MEX3C: variants seen among roughly 807,000 people sequenced by gnomAD.
MEX3C encodes RNA-binding E3 ubiquitin-protein ligase MEX3C.
Under a neutral mutation model 35.5 loss-of-function variants are expected in MEX3C, and 15 were observed. That is an observed-to-expected ratio of 0.42 (90% CI 0.28 to 0.65). The LOEUF (loss-of-function observed/expected upper bound fraction) is 0.65, where lower values mean the gene tolerates loss of function less well. MEX3C is among the 30% of genes least tolerant of loss of function. The pLI is 0.20. For missense variants in MEX3C, 711 were observed against 842.8 expected, an observed-to-expected ratio of 0.84 and a Z score of 1.94; for synonymous variants, 390 against 352.8, an observed-to-expected ratio of 1.11 and a Z score of -1.18.
rs930212019 is a variant in MEX3C, at chr18:51,196,763, C to T, written c.558G>A (p.Val186=). 11 of 1,498,182 alleles carry T rather than the reference C, an allele frequency of 7.3e-6. No individual in the cohort carries two copies. The highest frequency in any genetic ancestry group is 4.3e-5 in the African/African-American group (3 of 69,514). The allele number at this position is 1,498,182 out of a possible 1,614,324, so 92.8% of individuals were successfully genotyped here. The change falls in exon 1 of 2, where the codon GTG becomes GTA. Residue 186 remains valine, a synonymous_variant. Coordinates refer to ENST00000406189, the MANE Select transcript of MEX3C (RefSeq NM_016626.5). The stretch of plus-strand genomic sequence containing the variant: ...CCTGGGCATCGTCCCCTCCGTACAG[C>T]ACCCCCGCCGCCGCCGCCGCGGCCG... ...EAAAAAAAAG[V]LYGGDDAQGM...
intron 1 of MEX3C, among the ~76,000 whole-genome samples, chr18:51,186,169 A>G (rs1007928100): frequency 1.3e-5 from 2 of 152,170 alleles, no homozygotes; most frequent in African/African-American, 4.8e-5. Context: ...CCCTATAAAG[A>G]TGCTAGTGCT....
Position 51,197,570 on chromosome 18 carries a change from G to A in MEX3C, c.-250C>T, listed in dbSNP as rs991888066. On this transcript the variant is annotated 5_prime_UTR_variant, in exon 1 of 2. Coordinates refer to ENST00000406189, the MANE Select transcript of MEX3C (RefSeq NM_016626.5). The stretch of plus-strand genomic sequence containing the variant: ...GGTGGGTGGGGACGGCGGCGGGGCG[G>A]GCTGGTGGAGGTGGCAGCGGCTCCC... 2.0e-5 allele frequency among the ~76,000 whole-genome samples: 3 copies of A among 150,780 alleles called. No individual in the cohort carries two copies. Among genetic ancestry groups the A allele is most frequent in the African/African-American group, 7.3e-5 (3 of 41,130 alleles).
chr18:51,178,878 A>C (rs1196444123), intron 1 of MEX3C, among the ~76,000 whole-genome samples: 3 of 150,986 alleles, frequency 2.0e-5, no homozygotes, highest in African/African-American at 4.9e-5. Context: ...AAAAAACCAA[A>C]CAAACAAACA....
In MEX3C at chr18:51,177,662, T is replaced by C. The variant is rs1452211667; in HGVS notation, c.755-86A>G. On this transcript the variant is annotated intron_variant, in intron 1 of 1. Transcript: ENST00000406189. The surrounding 1 kb of genome is among the most constrained non-coding windows in gnomAD (Gnocchi z 4.2). Reference sequence around the variant, plus strand: ...AAATCACAGAATGCACCTTTTAAGCTAAATATCTGGTTATGGGTTAAGTTT... The same window carrying C: ...AAATCACAGAATGCACCTTTTAAGCCAAATATCTGGTTATGGGTTAAGTTT... 2 of 1,406,328 alleles carry C rather than the reference T, an allele frequency of 1.4e-6. No homozygotes were observed. The highest frequency in any genetic ancestry group is 1.9e-6 in the Non-Finnish European group (2 of 1,048,174). The allele number at this position is 1,406,328 out of a possible 1,614,324, so 87.1% of individuals were successfully genotyped here. A position where few individuals can be genotyped will look rare whatever the true frequency, so the allele number is the denominator to read the frequency against.
rs1208373436 is a variant in MEX3C, at chr18:51,196,829, A to T, written c.492T>A (p.Ser164=). ...CGAACCTGGCGGCTGGCAGCAGCAC[A>T]GACCCCAGGGACCCGCCCGGGATCT... ...TQQIPGGSLG[S]VLLPAARFDA... The change falls in exon 1 of 2, where the codon TCT becomes TCA. Residue 164 remains serine (S), a synonymous_variant. Coordinates refer to ENST00000406189, the MANE Select transcript of MEX3C (RefSeq NM_016626.5). 13 of 1,534,876 alleles carry T rather than the reference A, an allele frequency of 8.5e-6. No individual in the cohort carries two copies. In the East Asian group the frequency reaches 3.2e-4, roughly 38 times the overall value.
chr18:51,183,825 AC>A (rs1350659580), intron 1 of MEX3C, among the ~76,000 whole-genome samples: 1 of 152,186 alleles, frequency 6.6e-6, no homozygotes, highest in African/African-American at 2.4e-5. Flanking sequence ...AAAAAAACAA[AC>A]AAAAATAAAA....
chr18:51,183,150 T>TG (rs1411331705), intron 1 of MEX3C, among the ~76,000 whole-genome samples: 4 of 152,226 alleles, frequency 2.6e-5, no homozygotes. Context: ...AAGTAGCTTG[T>TG]GGAGGCCAGA....
chr18:51,197,162 G>A lies in MEX3C; in HGVS notation c.159C>T (p.Ala53=). 9.5e-7 allele frequency: 1 copy of A among 1,050,424 alleles called. No individual in the cohort carries two copies. Among genetic ancestry groups the A allele is most frequent in the South Asian group, 4.4e-5 (1 of 22,782 alleles). 65.1% of individuals were successfully genotyped at this position (1,050,424 alleles called of 1,614,324 possible). A position where few individuals can be genotyped will look rare whatever the true frequency, so the allele number is the denominator to read the frequency against. ...GGCTGGGGTCGTCGAGGCCTAGCGC[G>A]GCCAAGCGCTCCCTCAGCAGGAGCC... ...GDGLLLRERL[A]ALGLDDPSPA... is the part of the protein sequence containing the mutation. The change falls in exon 1 of 2, where the codon GCC becomes GCT. Residue 53 remains alanine (A), a synonymous_variant. Transcript: ENST00000406189.
chr18:51,195,405 T>C (rs1912755682), intron 1 of MEX3C: 1 of 152,184 alleles, frequency 6.6e-6, no homozygotes, highest in Non-Finnish European at 1.5e-5. Flanking sequence ...TTTATTAAAA[T>C]CCTACAGATA....
chr18:51,185,535 G>A (rs1454487048), intron 1 of MEX3C, among the ~76,000 whole-genome samples: 2 of 152,172 alleles, frequency 1.3e-5, no homozygotes, highest in Admixed American at 6.5e-5. Flanking sequence ...GACATATTCA[G>A]AGTTCCTGGG....
intron 1 of MEX3C, among the ~76,000 whole-genome samples, chr18:51,188,584 T>A (rs1384074023): frequency 7.6e-6 from 1 of 132,160 alleles, no homozygotes; most frequent in African/African-American, 2.9e-5. Context: ...GGCGACAGAG[T>A]GAGACCCTGT....
intron 1 of MEX3C, among the ~76,000 whole-genome samples, chr18:51,188,577 G>A (rs184561964): frequency 1.4e-3 from 202 of 146,224 alleles, no homozygotes; most frequent in Non-Finnish European, 1.9e-3. Flanking sequence ...CAGCCTGGGC[G>A]ACAGAGTGAG....
At position 51,196,775 on chromosome 18, in the gene MEX3C, C is replaced by CGCCGACGCG. The variant is rs760765858; in HGVS notation, c.545_546insCGCGTCGGC (p.Ala183_Ala184insSerAlaAla). The CGCCGACGCG allele has an allele frequency of 3.3e-6, 5 of 1,521,012 alleles. No homozygotes were observed. Among genetic ancestry groups the CGCCGACGCG allele is most frequent in the Non-Finnish European group, 4.4e-6 (5 of 1,139,592 alleles). 94.2% of individuals were successfully genotyped at this position (1,521,012 alleles called of 1,614,324 possible). ...CCCCTCCGTACAGCACCCCCGCCGC[C>CGCCGACGCG]GCCGCCGCGGCCGCCGCCTCCCGGG... On this transcript the variant is annotated inframe_insertion, in exon 1 of 2. Coordinates refer to ENST00000406189, the MANE Select transcript of MEX3C (RefSeq NM_016626.5).
rs906254104 is a variant in MEX3C, at chr18:51,177,671, G to A, written c.755-95C>T. On this transcript the variant is annotated intron_variant, in intron 1 of 1. Transcript: ENST00000406189. This position sits in a 1 kb window ranked among gnomAD's most constrained non-coding sequence, Gnocchi z 4.2. ...AATGCACCTTTTAAGCTAAATATCTGGTTATGGGTTAAGTTTTAGAGTTTT... is the reference window on the plus strand; with the variant it reads ...AATGCACCTTTTAAGCTAAATATCTAGTTATGGGTTAAGTTTTAGAGTTTT... 2 of 1,353,232 alleles carry A rather than the reference G, an allele frequency of 1.5e-6. No individual in the cohort carries two copies. The highest frequency in any genetic ancestry group is 2.0e-6 in the Non-Finnish European group (2 of 1,004,740). The allele number at this position is 1,353,232 out of a possible 1,614,324, so 83.8% of individuals were successfully genotyped here.
rs760087320 is a variant in MEX3C, at chr18:51,196,672, G to C, written c.649C>G (p.Leu217Val). 59 of 1,552,100 alleles carry C rather than the reference G, an allele frequency of 3.8e-5. No homozygotes were observed. The highest frequency in any genetic ancestry group is 2.2e-4 in the East Asian group (9 of 41,466). Residue 217 changes from leucine (L) to valine (V), a missense_variant, in exon 1 of 2, where the codon CTG becomes GTG. Leu to Val is a conservative substitution (Grantham distance 32). Transcript: ENST00000406189. ...PGGCGAAAAA[L>V]NGEQAALLRR... is the part of the protein sequence containing the mutation. ...AGCAGGGCCGCCTGCTCCCCGTTCA[G>C]GGCGGCCGCCGCCGCCCCACAACCG...
At position 51,175,135 on chromosome 18, in the gene MEX3C, A is replaced by G. The variant is rs907648335; in HGVS notation, c.*1216T>C. On this transcript the variant is annotated 3_prime_UTR_variant, in exon 2 of 2. Coordinates refer to ENST00000406189, the MANE Select transcript of MEX3C (RefSeq NM_016626.5). ...TTTGTCTATTTACTATTGAATACACATAGGATTTCAATTTTCATTATACCG... is the reference window on the plus strand; with the variant it reads ...TTTGTCTATTTACTATTGAATACACGTAGGATTTCAATTTTCATTATACCG... 6.5e-6 allele frequency: 1 copy of G among 152,678 alleles called. No homozygotes were observed. Among genetic ancestry groups the G allele is most frequent in the African/African-American group, 2.4e-5 (1 of 41,462 alleles). The allele number at this position is 152,678 out of a possible 1,614,324, so 9.5% of individuals were successfully genotyped here. A position where few individuals can be genotyped will look rare whatever the true frequency, so the allele number is the denominator to read the frequency against.
chr18:51,177,634 G>A lies in MEX3C; in HGVS notation c.755-58C>T. ...CATCTACTTCAATGATATATATAAA[G>A]ACAAATCACAGAATGCACCTTTTAA... On this transcript the variant is annotated intron_variant, in intron 1 of 1. Coordinates refer to ENST00000406189, the MANE Select transcript of MEX3C (RefSeq NM_016626.5). This position sits in a 1 kb window ranked among gnomAD's most constrained non-coding sequence, Gnocchi z 4.2. The A allele has an allele frequency of 6.7e-7, 1 of 1,499,676 alleles. No individual in the cohort carries two copies. The highest frequency in any genetic ancestry group is 8.9e-7 in the Non-Finnish European group (1 of 1,122,210). 92.9% of individuals were successfully genotyped at this position (1,499,676 alleles called of 1,614,324 possible).
rs146793433 is a variant in MEX3C, at chr18:51,196,610, C to T, written c.711G>A (p.Pro237=). The change falls in exon 1 of 2, where the codon CCG becomes CCA. Residue 237 remains proline (P), a synonymous_variant. Coordinates refer to ENST00000406189, the MANE Select transcript of MEX3C (RefSeq NM_016626.5). ...CGGCGACGTGCTCGGAGCTGGGCAC[C>T]GGGACGCACTCGGTGGTGTTGACGC... is the stretch of plus-strand genomic sequence containing the variant. The part of the protein sequence containing the change: ...RKSVNTTECV[P]VPSSEHVAEI... The T allele has an allele frequency of 1.9e-6, 3 of 1,593,234 alleles. No homozygotes were observed. Among genetic ancestry groups the T allele is most frequent in the African/African-American group, 2.7e-5 (2 of 74,624 alleles).
chr18:51,176,083 AC>A lies in MEX3C; in HGVS notation c.*267del. The A allele has an allele frequency of 3.2e-6, 1 of 314,638 alleles. No homozygotes were observed. Among genetic ancestry groups the A allele is most frequent in the East Asian group, 5.4e-5 (1 of 18,394 alleles). The allele number at this position is 314,638 out of a possible 1,614,324, so 19.5% of individuals were successfully genotyped here. ...GATTATCTTCACTCAGCCAAGTTGA[AC>A]TTCAGCTTTAGCAATTCTTATATAA... is the stretch of plus-strand genomic sequence containing the variant. On this transcript the variant is annotated 3_prime_UTR_variant, in exon 2 of 2. Transcript: ENST00000406189.
Sources: allele counts gnomAD v4.1 joint callset (sites outside exome capture counted in the v4.1 genomes callset), GRCh38; gene constraint gnomAD v4.1.1; non-coding constraint Gnocchi (gnomAD v3.1); transcripts MANE v1.5; gene names NCBI Gene and HGNC (gene_info 2026-07-23, HGNC 2026-07-21).